TMEM236: variants seen among roughly 807,000 people sequenced by gnomAD.
The protein encoded by TMEM236 is transmembrane protein 236, also known as family with sequence similarity 23, member A.
A neutral mutation model predicts 14.7 loss-of-function variants in TMEM236; 11 were observed. The observed-to-expected ratio is 0.75, with a 90% CI of 0.47 to 1.24. The LOEUF is 1.24. Ranked by LOEUF, TMEM236 falls within the 50% of genes most tolerant of loss-of-function variation. The pLI is 0.00. For missense variants in TMEM236, 464 were observed against 427.3 expected, an observed-to-expected ratio of 1.09 and a Z score of -0.76; for synonymous variants, 182 against 168.6, an observed-to-expected ratio of 1.08 and a Z score of -0.62.
chr10:17,767,531 G>T (rs1837488253), intron 1 of TMEM236, among the ~76,000 whole-genome samples: 1 of 152,056 alleles, frequency 6.6e-6, no homozygotes, highest in Admixed American at 6.6e-5. Flanking sequence ...CATAACTTCT[G>T]GTTAAATAAA....
At chr10:17,790,433 G>C (rs1205076613) in intron 3 of TMEM236, among the ~76,000 whole-genome samples, 1 of 152,192 alleles carries the variant, frequency 6.6e-6, no homozygotes, top group Non-Finnish European at 1.5e-5. Context: ...GAGTGAGCCT[G>C]TAGTCCCAGA....
chr10:17,781,633 C>A (rs1036999349), intron 3 of TMEM236, among the ~76,000 whole-genome samples: 5 of 151,062 alleles, frequency 3.3e-5, no homozygotes, highest in African/African-American at 1.2e-4. Context: ...GTAATACCAG[C>A]TACTGGGGAG....
intron 1 of TMEM236, among the ~76,000 whole-genome samples, chr10:17,754,658 T>C (rs1490416825): frequency 1.3e-5 from 2 of 152,134 alleles, no homozygotes; most frequent in African/African-American, 4.8e-5. Flanking sequence ...TAATTTACTG[T>C]GTTGGTAAAT....
intron 1 of TMEM236, among the ~76,000 whole-genome samples, chr10:17,760,640 A>G (rs1363975688): frequency 6.6e-6 from 1 of 152,198 alleles, no homozygotes; most frequent in East Asian, 1.9e-4. Context: ...GCCCTACTAT[A>G]TCCAGTGTAT....
intron 3 of TMEM236, among the ~76,000 whole-genome samples, chr10:17,785,973 G>T (rs1296712304): frequency 6.6e-6 from 1 of 152,018 alleles, no homozygotes; most frequent in Non-Finnish European, 1.5e-5. Context: ...GAGTGAGCCG[G>T]GTACCAACAG....
At chr10:17,767,555 T>G (rs1042579233) in intron 1 of TMEM236, among the ~76,000 whole-genome samples, 68,399 of 151,874 alleles carry the variant, frequency 0.45, 15,607 homozygotes, top group African/African-American at 0.54. Flanking sequence ...TAGACTTGGG[T>G]TGTATTTATT....
At chr10:17,754,686 G>T (rs1319178965) in intron 1 of TMEM236, among the ~76,000 whole-genome samples, 1 of 152,012 alleles carries the variant, frequency 6.6e-6, no homozygotes, top group African/African-American at 2.4e-5. Context: ...CCCTTGTAGG[G>T]GAGGAAAGTA....
At chr10:17,758,503 G>A (rs1433805069) in intron 1 of TMEM236, among the ~76,000 whole-genome samples, 1 of 152,156 alleles carries the variant, frequency 6.6e-6, no homozygotes, top group African/African-American at 2.4e-5. Flanking sequence ...AATTCTTTGA[G>A]CCTTAATTTT....
At chr10:17,762,614 TATATACAC>T (rs1167467410) in intron 1 of TMEM236, among the ~76,000 whole-genome samples, 19 of 78,390 alleles carry the variant, frequency 2.4e-4, no homozygotes, top group African/African-American at 7.3e-4. Context: ...TATATATATA[TATATACAC>T]ACATACATAT....
At chr10:17,792,360 T>G (rs1837940098) in intron 3 of TMEM236, among the ~76,000 whole-genome samples, 1 of 152,224 alleles carries the variant, frequency 6.6e-6, no homozygotes, top group Non-Finnish European at 1.5e-5. Context: ...AGTGCTGGGA[T>G]TACAGGCGTA....
At chr10:17,795,092 G>C (rs1837989388) in intron 3 of TMEM236, among the ~76,000 whole-genome samples, 1 of 152,154 alleles carries the variant, frequency 6.6e-6, no homozygotes, top group African/African-American at 2.4e-5. Flanking sequence ...CACGCCTGGA[G>C]ATCTAGGGTA....
intron 3 of TMEM236, among the ~76,000 whole-genome samples, chr10:17,786,082 T>A (rs1554835688): frequency 6.6e-6 from 1 of 152,198 alleles, no homozygotes; most frequent in Non-Finnish European, 1.5e-5. Flanking sequence ...ATTGTTTGTT[T>A]TTCCTAAGTG....
rs1204386968 is a variant in TMEM236, at chr10:17,797,632, G to A, written c.*1128G>A. ...AAAAATTTGAAAATTGTAGTTTTAG[G>A]GGTTCCTTCAAAGGTGGAATTATAT... is the stretch of plus-strand genomic sequence containing the variant. On this transcript the variant is annotated 3_prime_UTR_variant, in exon 4 of 4. Transcript: ENST00000377495. The A allele has an allele frequency of 6.6e-6, 1 of 152,098 alleles. No homozygotes were observed. Among genetic ancestry groups the A allele is most frequent in the Non-Finnish European group, 1.5e-5 (1 of 68,006 alleles). 9.4% of individuals were successfully genotyped at this position (152,098 alleles called of 1,614,324 possible). A position where few individuals can be genotyped will look rare whatever the true frequency, so the allele number is the denominator to read the frequency against.
At chr10:17,795,349 G>C (rs1044131048) in intron 3 of TMEM236, among the ~76,000 whole-genome samples, 2 of 152,104 alleles carry the variant, frequency 1.3e-5, no homozygotes, top group African/African-American at 2.4e-5. Context: ...TTGAATATTG[G>C]CGTTCTTTAA....
chr10:17,753,185 C>T (rs1180921356), intron 1 of TMEM236, among the ~76,000 whole-genome samples: 2 of 152,078 alleles, frequency 1.3e-5, no homozygotes, highest in South Asian at 2.1e-4. Flanking sequence ...TGAGCCAACA[C>T]GCCCAGCCTG....
chr10:17,795,804 A>G, intron 3 of TMEM236, 117 bp from the exon 4 acceptor site: 1 of 1,120,412 alleles, frequency 8.9e-7, no homozygotes, highest in Non-Finnish European at 1.3e-6. Context: ...AAATTAAGTG[A>G]AAAACAAAAG....
chr10:17,759,578 A>G (rs1178288302), intron 1 of TMEM236, among the ~76,000 whole-genome samples: 6 of 152,228 alleles, frequency 3.9e-5, no homozygotes, highest in African/African-American at 1.2e-4. Context: ...TAGTTGCAGT[A>G]AAGTAAGAGC....
intron 1 of TMEM236, among the ~76,000 whole-genome samples, chr10:17,763,159 T>A (rs1253967671): frequency 6.6e-6 from 1 of 152,158 alleles, no homozygotes; most frequent in Non-Finnish European, 1.5e-5. Flanking sequence ...AGTCCTTTAA[T>A]ATCCCAGAGA....
intron 1 of TMEM236, among the ~76,000 whole-genome samples, chr10:17,766,453 C>A (rs1214083553): frequency 6.6e-6 from 1 of 152,186 alleles, no homozygotes; most frequent in Non-Finnish European, 1.5e-5. Flanking sequence ...TGTATCTACT[C>A]TCTAAGATGC....
Sources: gnomAD v4.1 joint callset for allele counts (sites outside exome capture counted in the v4.1 genomes callset) on GRCh38, gnomAD v4.1.1 for gene constraint, MANE v1.5 for transcripts, NCBI Gene and HGNC (gene_info 2026-07-23, HGNC 2026-07-21) for gene names.